WWC1: variants seen among roughly 807,000 people sequenced by gnomAD.
The protein encoded by WWC1 is WW and C2 domain containing 1, also known as protein KIBRA.
WWC1 carries 55 observed loss-of-function variants against 138.4 expected under a neutral mutation model. The observed-to-expected ratio is 0.40, with a 90% CI of 0.32 to 0.50. WWC1 has a LOEUF of 0.50. WWC1 is among the 20% of genes least tolerant of loss of function. The pLI, the probability that WWC1 is intolerant of heterozygous loss-of-function variation, is 0.72. For missense variants in WWC1, 1,226 were observed against 1,420.4 expected (o/e 0.86, Z 2.20); for synonymous variants, 524 against 564.9 (o/e 0.93, Z 1.03).
chr5:168,309,301 A>C (rs558106706), intron 1 of WWC1, among the ~76,000 whole-genome samples: 1 of 152,198 alleles, frequency 6.6e-6, no homozygotes, highest in Non-Finnish European at 1.5e-5. Context: ...TTCTGTGTCT[A>C]GACAAGCACC....
intron 2 of WWC1, among the ~76,000 whole-genome samples, chr5:168,384,562 T>G (rs4320284): frequency 0.4 from 61,141 of 151,868 alleles, 12,431 homozygotes; most frequent in South Asian, 0.52. Flanking sequence ...CATTAGTTAT[T>G]TTTCTTTCCT....
At position 168,314,896 on chromosome 5, in the gene WWC1, G is replaced by A. The variant is rs542459710; in HGVS notation, c.119+22625G>A. ...CATCAGGGATTAGGACACTGCCCTCGCCAGGCCCTGGCTCACCTGTGCACA... is the reference window on the plus strand; with the variant it reads ...CATCAGGGATTAGGACACTGCCCTCACCAGGCCCTGGCTCACCTGTGCACA... On this transcript the variant is annotated intron_variant, in intron 1 of 22. Transcript: ENST00000265293. 2.0e-5 allele frequency among the ~76,000 whole-genome samples: 3 copies of A among 152,292 alleles called. No individual in the cohort carries two copies. The East Asian group carries it at 5.8e-4, about 29-fold the overall frequency.
At chr5:168,400,051 A>C (rs772841548) in intron 5 of WWC1, among the ~76,000 whole-genome samples, 1 of 152,204 alleles carries the variant, frequency 6.6e-6, no homozygotes, top group Non-Finnish European at 1.5e-5. Context: ...GCACAATGCC[A>C]TATGCATTGT....
At chr5:168,386,368 C>A (rs1778042377) in intron 3 of WWC1, among the ~76,000 whole-genome samples, 1 of 142,186 alleles carries the variant, frequency 7.0e-6, no homozygotes, top group South Asian at 2.4e-4. Context: ...ATGCCAAAAT[C>A]CCCTTGTTCT....
intron 3 of WWC1, among the ~76,000 whole-genome samples, chr5:168,388,882 A>G (rs139213756): frequency 8.0e-4 from 122 of 152,188 alleles, no homozygotes; most frequent in African/African-American, 2.8e-3. Context: ...TGACACATTG[A>G]TGGCTTTGAA....
chr5:168,453,332 T>C (rs559100273), intron 17 of WWC1, among the ~76,000 whole-genome samples: 14 of 152,208 alleles, frequency 9.2e-5, no homozygotes, highest in Non-Finnish European at 1.5e-4. Context: ...GCATATATTG[T>C]CTGATTCCAT....
intron 6 of WWC1, among the ~76,000 whole-genome samples, chr5:168,407,967 A>G (rs1779928722): frequency 6.6e-6 from 1 of 150,820 alleles, no homozygotes; most frequent in South Asian, 2.1e-4. Flanking sequence ...GGCTCAAGCA[A>G]TCCTCCCACC....
chr5:168,318,886 A>C (rs1771831602), intron 1 of WWC1, among the ~76,000 whole-genome samples: 1 of 152,100 alleles, frequency 6.6e-6, no homozygotes, highest in Non-Finnish European at 1.5e-5. Context: ...ACTTAGCATA[A>C]TGTTCTCAAG....
At chr5:168,332,617 A>T (rs761565714) in intron 1 of WWC1, among the ~76,000 whole-genome samples, 1 of 152,204 alleles carries the variant, frequency 6.6e-6, no homozygotes, top group Non-Finnish European at 1.5e-5. Flanking sequence ...ACTTCCCTGT[A>T]ACTTAAGGGT....
In WWC1 at chr5:168,464,847, T is replaced by C; in HGVS notation, c.3035T>C (p.Leu1012Pro). The change falls in exon 21 of 23, where the codon CTG becomes CCG. Residue 1012 changes from leucine to proline, a missense_variant. Physicochemically the swap from Leu to Pro is moderately conservative, Grantham distance 98 (BLOSUM62 -3). This residue lies in a region of WWC1 where 206 missense variants were observed against 247.4 expected (regional missense o/e 0.83). Coordinates refer to ENST00000265293, the MANE Select transcript of WWC1 (RefSeq NM_015238.3). ...CAATTGACCCAGGAGATCTCGGTGC[T>C]GAAGGAGCTCAAGGAGCAGCTGGAA... ...HSQLTQEISV[L>P]KELKEQLEQA... 1 of 1,614,154 alleles carries C rather than the reference T, an allele frequency of 6.2e-7. No individual in the cohort carries two copies. Among genetic ancestry groups the C allele is most frequent in the Non-Finnish European group, 8.5e-7 (1 of 1,180,020 alleles).
chr5:168,329,720 C>T (rs1772866660), intron 1 of WWC1, among the ~76,000 whole-genome samples: 1 of 152,044 alleles, frequency 6.6e-6, no homozygotes, highest in Non-Finnish European at 1.5e-5. Context: ...CCAGGGAGGT[C>T]AGTGCATGAA....
chr5:168,462,005 G>A (rs1234131314), intron 20 of WWC1, among the ~76,000 whole-genome samples: 6 of 151,702 alleles, frequency 4.0e-5, no homozygotes, highest in African/African-American at 1.2e-4. Flanking sequence ...GCAGTGAGCC[G>A]AGATCGCGCC....
At chr5:168,334,790 A>C (rs560959439) in intron 1 of WWC1, among the ~76,000 whole-genome samples, 1 of 152,358 alleles carries the variant, frequency 6.6e-6, no homozygotes, top group Non-Finnish European at 1.5e-5. Context: ...CCCAAGAACA[A>C]GGGTTAGGCC....
intron 1 of WWC1, among the ~76,000 whole-genome samples, chr5:168,350,718 C>G (rs1443897901): frequency 6.6e-6 from 1 of 152,240 alleles, no homozygotes; most frequent in Non-Finnish European, 1.5e-5. Context: ...TTCTGCTCAA[C>G]TATGTGCTTA....
chr5:168,409,708 G>A (rs950213187), intron 7 of WWC1, among the ~76,000 whole-genome samples: 6 of 152,188 alleles, frequency 3.9e-5, no homozygotes, highest in African/African-American at 7.2e-5. Context: ...CAAAGTGATC[G>A]ATGTCTGAGC....
intron 1 of WWC1, among the ~76,000 whole-genome samples, chr5:168,345,138 T>C: frequency 6.6e-6 from 1 of 152,206 alleles, no homozygotes; most frequent in East Asian, 1.9e-4. Flanking sequence ...AGAGGTTCAC[T>C]CTGTTGCCCA....
At chr5:168,422,678 T>C (rs1039409427) in intron 10 of WWC1, among the ~76,000 whole-genome samples, 1 of 152,136 alleles carries the variant, frequency 6.6e-6, no homozygotes, top group Non-Finnish European at 1.5e-5. Flanking sequence ...ACAGAGAATG[T>C]AGCCTCAGAC....
intron 2 of WWC1, among the ~76,000 whole-genome samples, chr5:168,371,783 T>C (rs1009818962): frequency 1.3e-5 from 2 of 152,212 alleles, no homozygotes; most frequent in Non-Finnish European, 2.9e-5. Context: ...CCCAATTTTA[T>C]GGGGGCAGCC....
chr5:168,458,092 C>T (rs549967567), intron 19 of WWC1, among the ~76,000 whole-genome samples: 71 of 152,254 alleles, frequency 4.7e-4, no homozygotes, highest in Non-Finnish European at 8.8e-4. Context: ...TGTTTCCCAC[C>T]AAGTCATAAG....
Sources: gnomAD v4.1 joint callset for allele counts (sites outside exome capture counted in the v4.1 genomes callset) on GRCh38, gnomAD v4.1.1 for gene constraint, gnomAD v4.1.1 regional missense constraint, MANE v1.5 for transcripts, NCBI Gene and HGNC (gene_info 2026-07-23, HGNC 2026-07-21) for gene names.